ENOX1: variants seen among roughly 807,000 people sequenced by gnomAD.
The protein encoded by ENOX1 is candidate growth-related and time keeping constitutive hydroquinone (NADH) oxidase.
ENOX1 carries 42 observed loss-of-function variants against 82.5 expected under a neutral mutation model. The observed-to-expected ratio is 0.51, with a 90% CI of 0.40 to 0.66. ENOX1 has a LOEUF of 0.66. ENOX1 is among the 30% of genes least tolerant of loss of function. ENOX1 has a pLI of 0.00. For missense variants in ENOX1, 608 were observed against 811.6 expected (o/e 0.75, Z 3.05); for synonymous variants, 271 against 282.2 (o/e 0.96, Z 0.40).
At chr13:43,785,729 G>T (rs903753426) in intron 1 of ENOX1, among the ~76,000 whole-genome samples, 2 of 152,090 alleles carry the variant, frequency 1.3e-5, no homozygotes, top group Non-Finnish European at 2.9e-5. Context: ...TGCTCGCCGC[G>T]GGATGACAAC....
intron 2 of ENOX1, among the ~76,000 whole-genome samples, chr13:43,550,175 T>C (rs2079132748): frequency 6.6e-6 from 1 of 152,218 alleles, no homozygotes; most frequent in Non-Finnish European, 1.5e-5. Flanking sequence ...TCTCACCTCC[T>C]GCTGTGCAGC....
chr13:43,434,088 T>C (rs2055851447), intron 3 of ENOX1, among the ~76,000 whole-genome samples: 1 of 152,232 alleles, frequency 6.6e-6, no homozygotes, highest in African/African-American at 2.4e-5. Flanking sequence ...TGATAGCCTA[T>C]GCAGCTGTCT....
intron 15 of ENOX1, among the ~76,000 whole-genome samples, chr13:43,233,219 A>T (rs1299093027): frequency 6.6e-6 from 1 of 152,218 alleles, no homozygotes. Context: ...AGGTCCAATT[A>T]TATGTCAACC....
intron 3 of ENOX1, among the ~76,000 whole-genome samples, chr13:43,461,931 G>C (rs1208120268): frequency 6.6e-6 from 1 of 152,200 alleles, no homozygotes; most frequent in East Asian, 1.9e-4. Flanking sequence ...GGATTAGACT[G>C]ACCAATGAAA....
At chr13:43,721,377 T>TA (rs1381554178) in intron 1 of ENOX1, among the ~76,000 whole-genome samples, 1 of 1,942 alleles carries the variant, frequency 5.1e-4, no homozygotes, top group East Asian at 0.01. Context: ...ATTTTATATC[T>TA]TTTTTTTTTT....
intron 1 of ENOX1, among the ~76,000 whole-genome samples, chr13:43,672,908 T>C (rs1216246633): frequency 1.3e-5 from 2 of 152,246 alleles, no homozygotes; most frequent in Non-Finnish European, 2.9e-5. Flanking sequence ...TATGTTTTTG[T>C]ACTGGGGCAT....
intron 12 of ENOX1, among the ~76,000 whole-genome samples, chr13:43,278,452 T>C (rs1406033496): frequency 6.6e-6 from 1 of 152,228 alleles, no homozygotes; most frequent in Non-Finnish European, 1.5e-5. Flanking sequence ...GAACTTGAGC[T>C]ACTTCCATTC....
At chr13:43,459,396 A>T (rs1457650638) in intron 3 of ENOX1, 3 of 152,268 alleles carry the variant, frequency 2.0e-5, no homozygotes, top group Non-Finnish European at 4.4e-5. Context: ...TTGCAGGACT[A>T]TACCATGATA....
chr13:43,742,502 C>T (rs1479591717), intron 1 of ENOX1, among the ~76,000 whole-genome samples: 2 of 152,000 alleles, frequency 1.3e-5, no homozygotes, highest in Non-Finnish European at 2.9e-5. Context: ...TCTATTTGGG[C>T]CCTTGACAGA....
chr13:43,452,365 T>C (rs2057014113), intron 3 of ENOX1, among the ~76,000 whole-genome samples: 1 of 152,182 alleles, frequency 6.6e-6, no homozygotes, highest in African/African-American at 2.4e-5. Flanking sequence ...AGTAAAAACA[T>C]GCAGTGTTTG....
chr13:43,700,399 A>G (rs755827066), intron 1 of ENOX1, among the ~76,000 whole-genome samples: 18 of 152,264 alleles, frequency 1.2e-4, no homozygotes, highest in Non-Finnish European at 2.1e-4. Flanking sequence ...GTCTCGCTTT[A>G]TACATTATAG....
rs1454099835 is a variant in ENOX1, at chr13:43,684,822, T to C, written c.-284-17278A>G. On this transcript the variant is annotated intron_variant, in intron 1 of 16. Transcript: ENST00000690772. ...ATAGACAGCGAAAGTTGTGTCTCTT[T>C]ACAGATTTTTTGGAGCAATATTTTC... Among the ~76,000 whole-genome samples the C allele has an allele frequency of 2.6e-5, 4 of 152,168 alleles. No individual in the cohort carries two copies. In the East Asian group the frequency reaches 7.7e-4, roughly 29 times the overall value.
At chr13:43,224,198 A>C in intron 15 of ENOX1, 60 bp from the exon 16 acceptor site, 1 of 1,360,454 alleles carries the variant, frequency 7.4e-7, no homozygotes, top group East Asian at 2.3e-5. Flanking sequence ...CTCTGGTTAA[A>C]TAATGCTGTC....
intron 5 of ENOX1, among the ~76,000 whole-genome samples, chr13:43,365,663 G>A (rs2050801621): frequency 6.6e-6 from 1 of 152,228 alleles, no homozygotes; most frequent in Admixed American, 6.5e-5. Context: ...GATTCAGGCA[G>A]GAGAAGCAAG....
At chr13:43,447,988 T>C (rs1260914455) in intron 3 of ENOX1, among the ~76,000 whole-genome samples, 1 of 152,226 alleles carries the variant, frequency 6.6e-6, no homozygotes, top group Non-Finnish European at 1.5e-5. Flanking sequence ...CTGACAATCA[T>C]CTTCAGAGAT....
At chr13:43,409,670 TAAGTA>T (rs2054002856) in intron 5 of ENOX1, among the ~76,000 whole-genome samples, 3 of 152,318 alleles carry the variant, frequency 2.0e-5, no homozygotes, top group African/African-American at 2.4e-5. Context: ...GTAGAATGGT[TAAGTA>T]ATCTAGAGAT....
At chr13:43,520,654 C>T (rs754151960) in intron 2 of ENOX1, among the ~76,000 whole-genome samples, 5 of 152,012 alleles carry the variant, frequency 3.3e-5, no homozygotes, top group South Asian at 2.1e-4. Flanking sequence ...GAGGCTTTGC[C>T]GGGGGGCGGC....
chr13:43,523,172 G>A (rs2077845445), intron 2 of ENOX1, among the ~76,000 whole-genome samples: 1 of 152,128 alleles, frequency 6.6e-6, no homozygotes, highest in South Asian at 2.1e-4. Flanking sequence ...CAAAAGGTGG[G>A]CTCAGGACTA....
chr13:43,276,661 T>C lies in ENOX1; in HGVS notation c.1447-7084A>G, dbSNP rs1435585247. Among the ~76,000 whole-genome samples the C allele has an allele frequency of 2.0e-5, 3 of 152,222 alleles. No individual in the cohort carries two copies. The South Asian group carries it at 6.2e-4, about 32-fold the overall frequency. ...TGAATCCTGAGCTAATCCCTGATTG[T>C]TAGAGAAAGTTTGAGATTTAAAAAT... On this transcript the variant is annotated intron_variant, in intron 12 of 16. Coordinates refer to ENST00000690772, the MANE Select transcript of ENOX1 (RefSeq NM_001347969.2).
Sources: gnomAD v4.1 joint callset for allele counts (sites outside exome capture counted in the v4.1 genomes callset) on GRCh38, gnomAD v4.1.1 for gene constraint, MANE v1.5 for transcripts, NCBI Gene and HGNC (gene_info 2026-07-23, HGNC 2026-07-21) for gene names.